The following MAPK10 variants were observed in gnomAD, a reference collection of about 807,000 sequenced individuals.
MAPK10 encodes mitogen-activated protein kinase 10, also known as JNK3 alpha protein kinase.
A neutral mutation model predicts 59.3 loss-of-function variants in MAPK10; 25 were observed. The ratio of observed to expected loss-of-function variants is 0.42; its 90% CI spans 0.31 to 0.59. The LOEUF (loss-of-function observed/expected upper bound fraction) is 0.59, where lower values mean the gene tolerates loss of function less well. Among genes scored for constraint, MAPK10 ranks in the 20% least tolerant of loss-of-function variants. The pLI is 0.15. For synonymous variants in MAPK10, 190 were observed against 200.5 expected (o/e 0.95, Z 0.44); for missense variants, 351 against 568.9 (o/e 0.62, Z 3.90).
chr4:86,314,864 C>A (rs2095746970), intron 2 of MAPK10, among the ~76,000 whole-genome samples: 1 of 152,066 alleles, frequency 6.6e-6, no homozygotes, highest in South Asian at 2.1e-4. Flanking sequence ...TCTTCTATTT[C>A]TTTCCTCTTA....
chr4:86,275,555 G>T lies in MAPK10; in HGVS notation c.-7+78975C>A, dbSNP rs13124525. Among the ~76,000 whole-genome samples, 268 of 151,976 alleles carry T rather than the reference G, an allele frequency of 1.8e-3. 1 individual carries two copies. Among genetic ancestry groups the T allele is most frequent in the Non-Finnish European group, 3.2e-3 (220 of 67,900 alleles). ...GAAAAATGAGTGTAGTGTTACATCT[G>T]CCCCAGCCTAAAGATCCTAAAGTCA... On this transcript the variant is annotated intron_variant, in intron 2 of 13. Coordinates refer to ENST00000641462, the MANE Select transcript of MAPK10 (RefSeq NM_138982.4).
chr4:86,517,992 CTGTTTTTTGTT>C (rs1323246373), intron 1 of MAPK10, among the ~76,000 whole-genome samples: 2 of 151,952 alleles, frequency 1.3e-5, no homozygotes, highest in African/African-American at 2.4e-5. Flanking sequence ...CTATTTCTTC[CTGTTTTTTGTT>C]TGTTTTTTGG....
chr4:86,366,938 C>T (rs1348642618), intron 1 of MAPK10, among the ~76,000 whole-genome samples: 3 of 152,096 alleles, frequency 2.0e-5, no homozygotes, highest in African/African-American at 7.2e-5. Flanking sequence ...CACTTAAAGT[C>T]CTACATCATA....
chr4:86,490,555 C>T (rs905972331), intron 1 of MAPK10, among the ~76,000 whole-genome samples: 2 of 152,136 alleles, frequency 1.3e-5, no homozygotes, highest in Admixed American at 6.5e-5. Context: ...CAAAAACTCC[C>T]TTCTATTTTG....
rs760123731 is a variant in MAPK10, at chr4:86,210,551, T to C, written c.-6-16144A>G. ...CACAAAGGATAAATGCTTGAGGTGATGGATACCCTATTTACCCTGATGTGA... is the reference window on the plus strand; with the variant it reads ...CACAAAGGATAAATGCTTGAGGTGACGGATACCCTATTTACCCTGATGTGA... On this transcript the variant is annotated intron_variant, in intron 2 of 13. Transcript: ENST00000641462. 2.6e-5 allele frequency among the ~76,000 whole-genome samples: 4 copies of C among 152,180 alleles called. No individual in the cohort carries two copies. In the South Asian group the frequency reaches 6.2e-4, roughly 24 times the overall value.
intron 2 of MAPK10, among the ~76,000 whole-genome samples, chr4:86,296,972 T>C (rs1405884367): frequency 6.6e-6 from 1 of 152,192 alleles, no homozygotes; most frequent in Admixed American, 6.5e-5. Context: ...AAACTTCGTG[T>C]GCATCAGAAT....
intron 1 of MAPK10, among the ~76,000 whole-genome samples, chr4:86,464,679 G>C (rs1244236870): frequency 6.6e-6 from 1 of 152,130 alleles, no homozygotes; most frequent in Non-Finnish European, 1.5e-5. Flanking sequence ...AATTAGCCAG[G>C]CATGGTGGCG....
chr4:86,200,486 T>G (rs2082372005), intron 2 of MAPK10, among the ~76,000 whole-genome samples: 1 of 152,028 alleles, frequency 6.6e-6, no homozygotes, highest in Non-Finnish European at 1.5e-5. Context: ...GTTACTGTAT[T>G]TATCAGTAAT....
rs1744130245 is a variant in MAPK10, at chr4:86,017,851, T to C, written c.1253-481A>G. Among the ~76,000 whole-genome samples the C allele has an allele frequency of 6.6e-6, 1 of 152,072 alleles. No individual in the cohort carries two copies. The highest frequency in any genetic ancestry group is 6.5e-5 in the Admixed American group (1 of 15,272). On this transcript the variant is annotated intron_variant, in intron 13 of 13. Coordinates refer to ENST00000641462, the MANE Select transcript of MAPK10 (RefSeq NM_138982.4). The surrounding 1 kb of genome is among the most constrained non-coding windows in gnomAD (Gnocchi z 4.4). ...TATTCTCCTGCCTCAGCCTCCCGAG[T>C]AGCTGGGAGTACAGGTGCGCACCAC...
intron 13 of MAPK10, among the ~76,000 whole-genome samples, chr4:86,022,834 G>A (rs1241058598): frequency 6.6e-6 from 1 of 152,052 alleles, no homozygotes; most frequent in African/African-American, 2.4e-5. Flanking sequence ...TATAATCTGG[G>A]TACAAGTTAC....
intron 1 of MAPK10, among the ~76,000 whole-genome samples, chr4:86,573,693 TA>T (rs1209497215): frequency 1.3e-5 from 2 of 152,210 alleles, no homozygotes; most frequent in Non-Finnish European, 2.9e-5. Flanking sequence ...ATTTACCCAT[TA>T]AAAAGTCTTT....
At chr4:86,208,453 G>A (rs936847905) in intron 2 of MAPK10, among the ~76,000 whole-genome samples, 1 of 148,836 alleles carries the variant, frequency 6.7e-6, no homozygotes, top group East Asian at 1.9e-4. Context: ...GTCAATAAAT[G>A]TAATCCAGCA....
Position 86,438,906 on chromosome 4 carries a change from G to A in MAPK10, c.-122+14124C>T, listed in dbSNP as rs148437781. ...GGGAGCCCCGTGACTCCCAGGAATG[G>A]GCCTACTTTAGTATCCCAACTAGTC... On this transcript the variant is annotated intron_variant, in intron 1 of 13. Coordinates refer to the MAPK10 transcript ENST00000361569. Among the ~76,000 whole-genome samples, 19 of 152,098 alleles carry A rather than the reference G, an allele frequency of 1.2e-4. 1 individual carries two copies. Among genetic ancestry groups the A allele is most frequent in the African/African-American group, 4.6e-4 (19 of 41,492 alleles).
At chr4:86,400,386 G>A (rs530252782) in intron 1 of MAPK10, among the ~76,000 whole-genome samples, 6 of 152,054 alleles carry the variant, frequency 3.9e-5, no homozygotes, top group Admixed American at 1.3e-4. Context: ...CTATAGTGAC[G>A]TACATGGGAT....
intron 2 of MAPK10, among the ~76,000 whole-genome samples, chr4:86,270,948 G>A (rs925004343): frequency 6.6e-6 from 1 of 151,892 alleles, no homozygotes; most frequent in African/African-American, 2.4e-5. Flanking sequence ...TTTCAGTTCG[G>A]AAAAATTATA....
chr4:86,233,522 C>T (rs967808551), intron 2 of MAPK10, among the ~76,000 whole-genome samples: 7 of 152,148 alleles, frequency 4.6e-5, no homozygotes, highest in African/African-American at 1.7e-4. Context: ...GAAAGCTAAC[C>T]CAGTGGTGCC....
intron 4 of MAPK10, chr4:86,119,601 A>AT (rs2058900111): frequency 6.6e-6 from 1 of 151,988 alleles, no homozygotes; most frequent in Non-Finnish European, 1.5e-5. Flanking sequence ...AAAAAAAAAA[A>AT]AAAGCCAATA....
intron 2 of MAPK10, among the ~76,000 whole-genome samples, chr4:86,276,197 G>A (rs138064833): frequency 6.6e-6 from 1 of 151,916 alleles, no homozygotes; most frequent in African/African-American, 2.4e-5. Context: ...CTTTCTCCAT[G>A]AATCAGTGCT....
chr4:86,014,865 T>G lies in MAPK10; in HGVS notation c.*2363A>C, dbSNP rs1742684980. 1 of 152,040 alleles carries G rather than the reference T, an allele frequency of 6.6e-6. No homozygotes were observed. The highest frequency in any genetic ancestry group is 2.4e-5 in the African/African-American group (1 of 41,378). 9.4% of individuals were successfully genotyped at this position (152,040 alleles called of 1,614,324 possible). A position where few individuals can be genotyped will look rare whatever the true frequency, so the allele number is the denominator to read the frequency against. On this transcript the variant is annotated 3_prime_UTR_variant, in exon 14 of 14. Transcript: ENST00000641462. Reference sequence around the variant, plus strand: ...CGGCTGATGAAATTCCCCTTGAGACTCTCTTTAAAGCAGCTTCCTGCTCTC... The same window carrying G: ...CGGCTGATGAAATTCCCCTTGAGACGCTCTTTAAAGCAGCTTCCTGCTCTC...
Sources: gnomAD v4.1 joint callset for allele counts (sites outside exome capture counted in the v4.1 genomes callset) on GRCh38, gnomAD v4.1.1 for gene constraint, Gnocchi (gnomAD v3.1) non-coding constraint, MANE v1.5 for transcripts, NCBI Gene and HGNC (gene_info 2026-07-23, HGNC 2026-07-21) for gene names.